Variants in CPXM2 observed in about 807,000 individuals in gnomAD.
CPXM2 encodes the protein carboxypeptidase X, M14 family member 2.
A neutral mutation model predicts 86.1 loss-of-function variants in CPXM2; 66 were observed. The ratio of observed to expected loss-of-function variants is 0.77; its 90% CI spans 0.63 to 0.94. CPXM2 has a LOEUF of 0.94. Ranked by LOEUF, CPXM2 falls within the 40% of genes least tolerant of loss-of-function variation. CPXM2 has a pLI of 0.00. For missense variants in CPXM2, 948 were observed against 1,026.3 expected, an observed-to-expected ratio of 0.92 and a Z score of 1.04; for synonymous variants, 388 against 400.2, an observed-to-expected ratio of 0.97 and a Z score of 0.36.
In CPXM2 at chr10:123,754,557, TG is replaced by T. The variant is rs1176879869; in HGVS notation, c.2017+105del. On this transcript the variant is annotated intron_variant, in intron 13 of 13. Coordinates refer to ENST00000241305, the MANE Select transcript of CPXM2 (RefSeq NM_198148.3). The surrounding 1 kb of genome is among the most constrained non-coding windows in gnomAD (Gnocchi z 4.0). ...GAGGAAGGAGACTGTAATTTGGCTC[TG>T]AGTAAGACATTTCTGGCAGTCATTT... 2.9e-6 allele frequency: 2 copies of T among 696,666 alleles called. No individual in the cohort carries two copies. Among genetic ancestry groups the T allele is most frequent in the Non-Finnish European group, 5.2e-6 (2 of 384,302 alleles). 43.2% of individuals were successfully genotyped at this position (696,666 alleles called of 1,614,324 possible). A position where few individuals can be genotyped will look rare whatever the true frequency, so the allele number is the denominator to read the frequency against.
intron 2 of CPXM2, among the ~76,000 whole-genome samples, chr10:123,915,660 A>G (rs143027571): frequency 1.3e-5 from 2 of 152,302 alleles, no homozygotes; most frequent in Admixed American, 6.5e-5. Flanking sequence ...GTTGCCTTGT[A>G]TGATGTCAAC....
chr10:123,842,296 C>T (rs906443619), intron 4 of CPXM2, 53 bp downstream of exon 4: 6 of 1,609,224 alleles, frequency 3.7e-6, no homozygotes, highest in East Asian at 2.2e-5. Context: ...TCCAGACCCT[C>T]AAAAGCTAGA....
intron 4 of CPXM2, among the ~76,000 whole-genome samples, chr10:123,838,773 C>T (rs530022551): frequency 2.6e-5 from 4 of 152,272 alleles, no homozygotes; most frequent in South Asian, 2.1e-4. Context: ...CTTCTGCCTG[C>T]GACCCTGCAG....
At chr10:123,765,015 T>A (rs1354728299) in intron 10 of CPXM2, among the ~76,000 whole-genome samples, 1 of 152,208 alleles carries the variant, frequency 6.6e-6, no homozygotes, top group African/African-American at 2.4e-5. Context: ...TAGAAGTTTT[T>A]TATTTTCTAA....
intron 3 of CPXM2, among the ~76,000 whole-genome samples, chr10:123,843,747 T>A (rs975964559): frequency 6.6e-6 from 1 of 152,178 alleles, no homozygotes; most frequent in African/African-American, 2.4e-5. Context: ...AGCAAAACTC[T>A]ATCCATCACT....
At chr10:123,889,269 C>T (rs1405151389) in intron 1 of CPXM2, among the ~76,000 whole-genome samples, 1 of 152,050 alleles carries the variant, frequency 6.6e-6, no homozygotes, top group African/African-American at 2.4e-5. Context: ...GTCACTTGTA[C>T]GAGTCCCCAG....
At chr10:123,752,133 A>G in intron 13 of CPXM2, 2 of 985,456 alleles carry the variant, frequency 2.0e-6, no homozygotes, top group Middle Eastern at 5.2e-4. Context: ...TACAAATCCT[A>G]TGCAGAACCA....
chr10:123,868,391 G>C (rs746448431), intron 2 of CPXM2, among the ~76,000 whole-genome samples: 1 of 152,080 alleles, frequency 6.6e-6, no homozygotes, highest in Non-Finnish European at 1.5e-5. Context: ...TGAATGAACC[G>C]GCGTCCAGGA....
chr10:123,877,727 G>C (rs1194604797), intron 2 of CPXM2, among the ~76,000 whole-genome samples: 1 of 152,216 alleles, frequency 6.6e-6, no homozygotes, highest in Non-Finnish European at 1.5e-5. Context: ...TGAAGAATTA[G>C]AATGATGACT....
rs771748243 is a variant in CPXM2, at chr10:123,869,277, G to A, written c.404-6554C>T. 3.9e-5 allele frequency among the ~76,000 whole-genome samples: 6 copies of A among 152,278 alleles called. No individual in the cohort carries two copies. In the East Asian group the frequency reaches 1.2e-3, roughly 29 times the overall value. On this transcript the variant is annotated intron_variant, in intron 2 of 13. Transcript: ENST00000241305. ...GCCAGGCTGCAGGAAAGCGGGCTCC[G>A]ACAATTAATCGCTCAGTGACTCTTG...
At chr10:123,896,369 G>T (rs1182034025), upstream of CPXM2, among the ~76,000 whole-genome samples, 7 of 152,284 alleles carry the variant, frequency 4.6e-5, no homozygotes, top group African/African-American at 1.7e-4. Context: ...ATACTAAGTT[G>T]TTATGGCAAC....
At chr10:123,878,851 TG>T (rs1484885695) in intron 2 of CPXM2, among the ~76,000 whole-genome samples, 2 of 152,120 alleles carry the variant, frequency 1.3e-5, no homozygotes, top group Non-Finnish European at 2.9e-5. Context: ...AAGAAACAGC[TG>T]GTGTTTTATC....
At chr10:123,784,499 T>A (rs555018177) in intron 6 of CPXM2, among the ~76,000 whole-genome samples, 1 of 152,302 alleles carries the variant, frequency 6.6e-6, no homozygotes, top group East Asian at 1.9e-4. Flanking sequence ...TTTTGACTCC[T>A]CAGAGACCAG....
chr10:123,767,019 T>C lies in CPXM2; in HGVS notation c.1433A>G (p.Asn478Ser), dbSNP rs954690841. ...DRQNVPRKVP[N>S]HYIAIPEWFL... The stretch of plus-strand genomic sequence containing the variant: ...CCACTCAGGGATTGCAATATAGTGA[T>C]TGGGAACTTTCCTGGGGACATTCTG... Residue 478 changes from asparagine (N) to serine (S), a missense_variant, in exon 10 of 14, where the codon AAT becomes AGT. Physicochemically the swap from Asn to Ser is conservative, Grantham distance 46. Transcript: ENST00000241305. 1 of 1,614,164 alleles carries C rather than the reference T, an allele frequency of 6.2e-7. No individual in the cohort carries two copies. Among genetic ancestry groups the C allele is most frequent in the Non-Finnish European group, 8.5e-7 (1 of 1,179,984 alleles).
intron 2 of CPXM2, among the ~76,000 whole-genome samples, chr10:123,918,623 C>T (rs973215819): frequency 1.3e-5 from 2 of 152,168 alleles, no homozygotes; most frequent in Non-Finnish European, 2.9e-5. Context: ...AGAAGGGCAG[C>T]TCTTGCAGTG....
chr10:123,747,880 C>T (rs747539362), intron 13 of CPXM2, among the ~76,000 whole-genome samples: 51 of 148,714 alleles, frequency 3.4e-4, no homozygotes, highest in Non-Finnish European at 6.7e-4. Context: ...TGGGATCACG[C>T]CACTGCACTC....
chr10:123,828,218 T>C (rs1447376085), intron 4 of CPXM2, among the ~76,000 whole-genome samples: 1 of 152,060 alleles, frequency 6.6e-6, no homozygotes, highest in Non-Finnish European at 1.5e-5. Context: ...AATAAAACCA[T>C]ACAAATATGT....
chr10:123,942,720 C>T (rs2134297586), upstream of CPXM2, among the ~76,000 whole-genome samples: 1 of 152,188 alleles, frequency 6.6e-6, no homozygotes, highest in East Asian at 1.9e-4. Flanking sequence ...CTCAGGAGGG[C>T]TCTCACTATG....
intron 3 of CPXM2, among the ~76,000 whole-genome samples, chr10:123,859,673 A>G (rs1325587942): frequency 6.6e-6 from 1 of 152,242 alleles, no homozygotes; most frequent in African/African-American, 2.4e-5. Flanking sequence ...GCATCAGGGT[A>G]AATAAGATGC....
Sources: gnomAD v4.1 joint callset for allele counts (sites outside exome capture counted in the v4.1 genomes callset) on GRCh38, gnomAD v4.1.1 for gene constraint, Gnocchi (gnomAD v3.1) non-coding constraint, MANE v1.5 for transcripts, NCBI Gene and HGNC (gene_info 2026-07-23, HGNC 2026-07-21) for gene names.